Variants in LDB3 observed in about 807,000 individuals in gnomAD.
LDB3 encodes LIM domain binding 3, also known as LIM domain-binding protein 3.
A neutral mutation model predicts 69.0 loss-of-function variants in LDB3; 49 were observed. The ratio of observed to expected loss-of-function variants is 0.71; its 90% CI spans 0.56 to 0.90. The LOEUF (loss-of-function observed/expected upper bound fraction) is 0.90, where lower values mean the gene tolerates loss of function less well. Ranked by LOEUF, LDB3 falls within the 40% of genes least tolerant of loss-of-function variation. The pLI is 0.00. For synonymous variants in LDB3, 387 were observed against 396.2 expected (o/e 0.98, Z 0.28); for missense variants, 928 against 974.1 (o/e 0.95, Z 0.63).
At chr10:86,686,224 G>A (rs368997476) in intron 5 of LDB3, among the ~76,000 whole-genome samples, 74 of 152,210 alleles carry the variant, frequency 4.9e-4, no homozygotes, top group South Asian at 4.1e-4. Flanking sequence ...TCCCTGAAGC[G>A]TCTGGAAGAT....
At chr10:86,690,266 C>T (rs1845693713) in intron 5 of LDB3, among the ~76,000 whole-genome samples, 1 of 152,192 alleles carries the variant, frequency 6.6e-6, no homozygotes, top group East Asian at 1.9e-4. Context: ...GGAGCCAGGA[C>T]CAGGGAGACC....
chr10:86,687,680 G>T (rs1272865959), intron 5 of LDB3, among the ~76,000 whole-genome samples: 2 of 152,260 alleles, frequency 1.3e-5, no homozygotes, highest in Non-Finnish European at 2.9e-5. Flanking sequence ...AATGAGAATT[G>T]ATTCAAATAC....
chr10:86,698,501 T>C (rs1280279307), intron 7 of LDB3, among the ~76,000 whole-genome samples: 1 of 152,132 alleles, frequency 6.6e-6, no homozygotes, highest in Non-Finnish European at 1.5e-5. Context: ...GCTCTCTTCC[T>C]CCATTCATTC....
At chr10:86,696,172 G>GC (rs1222388996) in intron 7 of LDB3, among the ~76,000 whole-genome samples, 2 of 151,596 alleles carry the variant, frequency 1.3e-5, no homozygotes, top group Admixed American at 1.3e-4. Context: ...CCTCTCAGAT[G>GC]CCCCCTTCCC....
chr10:86,718,914 C>A, intron 12 of LDB3, 67 bp downstream of exon 12: 1 of 1,600,838 alleles, frequency 6.2e-7, no homozygotes, highest in South Asian at 1.1e-5. Flanking sequence ...GCACAGGGAA[C>A]TAACTCCTGC....
At chr10:86,700,185 C>T (rs895753026) in intron 7 of LDB3, 45 of 477,180 alleles carry the variant, frequency 9.4e-5, no homozygotes, top group Non-Finnish European at 1.2e-4. Context: ...GGACACAGCG[C>T]AGCTCTGGTC....
chr10:86,668,119 G>C (rs1844252733), upstream of LDB3, among the ~76,000 whole-genome samples: 1 of 152,162 alleles, frequency 6.6e-6, no homozygotes, highest in African/African-American at 2.4e-5. Flanking sequence ...CTCAAGCCAA[G>C]GCACCTCCAG....
intron 8 of LDB3, among the ~76,000 whole-genome samples, chr10:86,707,181 G>A (rs970401153): frequency 6.6e-6 from 1 of 152,212 alleles, no homozygotes. Flanking sequence ...CAGCATTGGA[G>A]CTGGGCAGGG....
rs768963786 is a variant in LDB3 at position 86,732,867 on chromosome 10, A to G, written c.2095-20A>G. The G allele has an allele frequency of 1.2e-6, 2 of 1,605,690 alleles. No individual in the cohort carries two copies. The highest frequency in any genetic ancestry group is 1.1e-5 in the South Asian group (1 of 90,636). ...GCCCTGTGCCACGTGGGTCTCACGC[A>G]GGTCTGTTCTCTGCTCCAGGTCTGC... On this transcript the variant is annotated intron_variant, in intron 13 of 13. Transcript: ENST00000361373.
intron 12 of LDB3, among the ~76,000 whole-genome samples, chr10:86,724,003 T>C (rs980492316): frequency 2.5e-4 from 38 of 152,306 alleles, no homozygotes; most frequent in African/African-American, 8.7e-4. Context: ...CCAGTCAGTT[T>C]CCTCCCCTTT....
rs574640914 is a variant in LDB3 at position 86,698,491 on chromosome 10, G to A, written c.896+5920G>A. ...CCTGTGGCACTGGCCTTTCTCAGGT[G>A]CTCTCTTCCTCCATTCATTCCCACG... On this transcript the variant is annotated intron_variant, in intron 7 of 13. Transcript: ENST00000361373. Among the ~76,000 whole-genome samples the A allele has an allele frequency of 4.1e-3, 618 of 152,286 alleles. 1 individual carries two copies. The highest frequency in any genetic ancestry group is 6.7e-3 in the Non-Finnish European group (457 of 68,022).
intron 5 of LDB3, among the ~76,000 whole-genome samples, chr10:86,683,115 G>T (rs1175728747): frequency 6.6e-6 from 1 of 152,210 alleles, no homozygotes; most frequent in Non-Finnish European, 1.5e-5. Flanking sequence ...TCCCGCATTT[G>T]TTGGGCTGGT....
chr10:86,695,255 CAT>C (rs1845947749), intron 7 of LDB3, among the ~76,000 whole-genome samples: 1 of 152,258 alleles, frequency 6.6e-6, no homozygotes, highest in Admixed American at 6.5e-5. Context: ...TGTGAATACA[CAT>C]GTCAAGAAGA....
intron 2 of LDB3, among the ~76,000 whole-genome samples, chr10:86,670,543 T>C (rs1844414163): frequency 6.6e-6 from 1 of 152,146 alleles, no homozygotes; most frequent in African/African-American, 2.4e-5. Flanking sequence ...TCAGTGGCAC[T>C]CAGGATAGCC....
At chr10:86,698,640 C>T (rs1846111400) in intron 7 of LDB3, among the ~76,000 whole-genome samples, 1 of 152,220 alleles carries the variant, frequency 6.6e-6, no homozygotes, top group African/African-American at 2.4e-5. Flanking sequence ...TGACAGTGAC[C>T]TTGTGAGTAT....
chr10:86,698,328 TTTAAA>T (rs1846094746), intron 7 of LDB3, among the ~76,000 whole-genome samples: 1 of 152,244 alleles, frequency 6.6e-6, no homozygotes, highest in Admixed American at 6.5e-5. Flanking sequence ...GAAATTAATC[TTTAAA>T]TTGAGTTGGA....
chr10:86,703,909 T>G (rs1225667569), intron 7 of LDB3, among the ~76,000 whole-genome samples: 1 of 151,802 alleles, frequency 6.6e-6, no homozygotes, highest in Non-Finnish European at 1.5e-5. Flanking sequence ...AGGTCAGGAG[T>G]TCGAGACCAG....
intron 7 of LDB3, among the ~76,000 whole-genome samples, chr10:86,694,268 G>A (rs549078806): frequency 1.3e-5 from 2 of 152,220 alleles, no homozygotes. Context: ...CCTTCAAGGA[G>A]CATCTCTTGA....
intron 5 of LDB3, among the ~76,000 whole-genome samples, chr10:86,684,437 G>C (rs765471338): frequency 6.6e-6 from 1 of 152,258 alleles, no homozygotes; most frequent in Non-Finnish European, 1.5e-5. Flanking sequence ...CTCTGCAGGG[G>C]GCCCTGGGCT....
Sources: allele counts gnomAD v4.1 joint callset (sites outside exome capture counted in the v4.1 genomes callset), GRCh38; gene constraint gnomAD v4.1.1; transcripts MANE v1.5; gene names NCBI Gene and HGNC (gene_info 2026-07-23, HGNC 2026-07-21).